The following SNTG1 variants were observed in gnomAD, a reference collection of about 807,000 sequenced individuals.
SNTG1 encodes gamma-1-syntrophin.
SNTG1 carries 39 observed loss-of-function variants against 74.7 expected under a neutral mutation model. That is an observed-to-expected ratio of 0.52 (90% CI 0.40 to 0.68). SNTG1 has a LOEUF of 0.68. Ranked by LOEUF, SNTG1 falls within the 30% of genes least tolerant of loss-of-function variation. SNTG1 has a pLI of 0.00. For synonymous variants in SNTG1, 254 were observed against 217.1 expected, an observed-to-expected ratio of 1.17 and a Z score of -1.49; for missense variants, 685 against 609.5, an observed-to-expected ratio of 1.12 and a Z score of -1.30.
chr8:50,521,154 T>C (rs1265167559), intron 9 of SNTG1, among the ~76,000 whole-genome samples: 1 of 152,024 alleles, frequency 6.6e-6, no homozygotes, highest in Non-Finnish European at 1.5e-5. Context: ...TCATTCTCAG[T>C]AGACTAACAC....
chr8:50,690,507 C>T (rs912480766), intron 15 of SNTG1, among the ~76,000 whole-genome samples: 1 of 151,982 alleles, frequency 6.6e-6, no homozygotes, highest in Non-Finnish European at 1.5e-5. Flanking sequence ...CATTATTTAC[C>T]CAGTAGTCAT....
intron 13 of SNTG1, among the ~76,000 whole-genome samples, chr8:50,596,023 A>G (rs1253749066): frequency 6.6e-6 from 1 of 151,950 alleles, no homozygotes; most frequent in Non-Finnish European, 1.5e-5. Flanking sequence ...ATGGTTGTGT[A>G]TTTTGAACAT....
At chr8:50,762,226 A>G (rs1468013787) in intron 18 of SNTG1, among the ~76,000 whole-genome samples, 1 of 152,002 alleles carries the variant, frequency 6.6e-6, no homozygotes, top group Non-Finnish European at 1.5e-5. Context: ...GAAAAGTTGA[A>G]CATTACTAAT....
intron 13 of SNTG1, among the ~76,000 whole-genome samples, chr8:50,618,491 T>C (rs1349417150): frequency 6.6e-6 from 1 of 152,188 alleles, no homozygotes; most frequent in African/African-American, 2.4e-5. Context: ...TTTCTCTCAC[T>C]GCTATAATAA....
intron 12 of SNTG1, among the ~76,000 whole-genome samples, chr8:50,578,548 T>G (rs1158194451): frequency 6.6e-6 from 1 of 152,138 alleles, no homozygotes; most frequent in African/African-American, 2.4e-5. Context: ...CACCCATATC[T>G]CATCTTGAAT....
At chr8:50,477,925 TTATC>T (rs1266728454) in intron 8 of SNTG1, among the ~76,000 whole-genome samples, 1 of 152,176 alleles carries the variant, frequency 6.6e-6, no homozygotes, top group African/African-American at 2.4e-5. Context: ...TGAAAGTTAT[TTATC>T]TTTTATTCAA....
chr8:50,018,588 CTGT>C (rs1003218327), intron 1 of SNTG1, among the ~76,000 whole-genome samples: 4 of 151,828 alleles, frequency 2.6e-5, no homozygotes, highest in Non-Finnish European at 4.4e-5. Context: ...AATGTTTTTG[CTGT>C]TGTTGTTTCG....
chr8:50,545,133 C>T (rs533346872), intron 11 of SNTG1, among the ~76,000 whole-genome samples: 1 of 151,738 alleles, frequency 6.6e-6, no homozygotes, highest in South Asian at 2.1e-4. Flanking sequence ...GCTTTTTTTC[C>T]ATAGCCCATA....
chr8:50,638,611 G>A (rs560137403), intron 13 of SNTG1, among the ~76,000 whole-genome samples: 20 of 152,154 alleles, frequency 1.3e-4, no homozygotes, highest in South Asian at 6.2e-4. Context: ...GATATATTCC[G>A]ATGAAGAATC....
intron 2 of SNTG1, among the ~76,000 whole-genome samples, chr8:50,284,155 C>T (rs1229853883): frequency 6.6e-6 from 1 of 151,874 alleles, no homozygotes; most frequent in African/African-American, 2.4e-5. Flanking sequence ...AGGAATTTTG[C>T]TTTTATTGTT....
chr8:50,694,166 T>G (rs1419650871), intron 15 of SNTG1, among the ~76,000 whole-genome samples: 4 of 150,378 alleles, frequency 2.7e-5, no homozygotes, highest in African/African-American at 4.9e-5. Flanking sequence ...TTTTTTTTTT[T>G]GAAAAAATGT....
intron 13 of SNTG1, among the ~76,000 whole-genome samples, chr8:50,599,163 G>T (rs1227786035): frequency 1.3e-5 from 2 of 151,972 alleles, no homozygotes; most frequent in Admixed American, 1.3e-4. Flanking sequence ...TGTTGGAAAT[G>T]AATTCACTGT....
At chr8:50,481,631 G>T (rs1011789676) in intron 8 of SNTG1, among the ~76,000 whole-genome samples, 3 of 152,034 alleles carry the variant, frequency 2.0e-5, no homozygotes, top group African/African-American at 7.2e-5. Flanking sequence ...AAGGACAAGA[G>T]GACTGCACTT....
chr8:50,444,465 T>C (rs1465211714), intron 5 of SNTG1, among the ~76,000 whole-genome samples: 2 of 152,100 alleles, frequency 1.3e-5, no homozygotes, highest in African/African-American at 4.8e-5. Flanking sequence ...TAAAAGTAGA[T>C]AACAGGGACA....
At chr8:49,932,810 T>C (rs1275331846) in intron 1 of SNTG1, among the ~76,000 whole-genome samples, 1 of 151,452 alleles carries the variant, frequency 6.6e-6, no homozygotes, top group East Asian at 1.9e-4. Context: ...ACCACTAATA[T>C]ATTTTCCATC....
At chr8:50,231,014 C>G (rs926365161) in intron 2 of SNTG1, among the ~76,000 whole-genome samples, 4 of 151,148 alleles carry the variant, frequency 2.6e-5, no homozygotes, top group Admixed American at 2.6e-4. Context: ...GATTAATATC[C>G]AAAATACATA....
intron 17 of SNTG1, among the ~76,000 whole-genome samples, chr8:50,730,961 C>A (rs13252863): frequency 0.68 from 103,008 of 152,034 alleles, 35,154 homozygotes; most frequent in East Asian, 0.78. Flanking sequence ...TTTTTACACT[C>A]ACCTTTAAAG....
In SNTG1 at chr8:50,658,580, T is replaced by C; in HGVS notation, c.967-12T>C. The C allele has an allele frequency of 6.4e-7, 1 of 1,570,198 alleles. No individual in the cohort carries two copies. The highest frequency in any genetic ancestry group is 8.7e-7 in the Non-Finnish European group (1 of 1,147,110). On this transcript the variant is annotated splice_polypyrimidine_tract_variant and intron_variant, in intron 14 of 18. Coordinates refer to ENST00000642720, the MANE Select transcript of SNTG1 (RefSeq NM_018967.5). ...TAAAACAAATTAAACATTATTTTCTTATCTTTTAAAGGTGACCACCTGGGA... is the reference window on the plus strand; with the variant it reads ...TAAAACAAATTAAACATTATTTTCTCATCTTTTAAAGGTGACCACCTGGGA...
At chr8:49,972,704 G>A (rs1234482341) in intron 1 of SNTG1, among the ~76,000 whole-genome samples, 1 of 151,814 alleles carries the variant, frequency 6.6e-6, no homozygotes, top group African/African-American at 2.4e-5. Context: ...AGTGGGTGAA[G>A]GGTATGAACA....
Sources: gnomAD v4.1 joint callset for allele counts (sites outside exome capture counted in the v4.1 genomes callset) on GRCh38, gnomAD v4.1.1 for gene constraint, MANE v1.5 for transcripts, NCBI Gene and HGNC (gene_info 2026-07-23, HGNC 2026-07-21) for gene names.